The following ISCU variants were observed in gnomAD, a reference collection of about 807,000 sequenced individuals.
ISCU encodes the protein iron-sulfur cluster assembly enzyme ISCU.
In ISCU, 13 loss-of-function variants were observed where a neutral mutation model predicts 18.4. That is an observed-to-expected ratio of 0.71 (90% confidence interval 0.46 to 1.12). The LOEUF is 1.12. Among genes scored for constraint, ISCU ranks in the 50% most tolerant of loss-of-function variants. ISCU has a pLI of 0.00. For synonymous variants in ISCU, 104 were observed against 87.5 expected (o/e 1.19, Z -1.06); for missense variants, 229 against 208.7 (o/e 1.10, Z -0.60).
chr12:108,562,796 C>A, intron 1 of ISCU, 60 bp downstream of exon 1: 1 of 1,032,456 alleles, frequency 9.7e-7, no homozygotes. Flanking sequence ...GCTGGAGGGG[C>A]GGCCGCGGGG....
chr12:108,564,967 T>C (rs2030820888), intron 2 of ISCU: 2 of 330,586 alleles, frequency 6.0e-6, no homozygotes, highest in South Asian at 3.7e-5. Context: ...AGACCTTTAT[T>C]GTGGACTCTG....
chr12:108,569,073 TAC>T lies in ISCU; in HGVS notation c.*161_*162del, dbSNP rs576121051. The T allele has an allele frequency of 2.9e-4, 195 of 681,432 alleles. No homozygotes were observed. The highest frequency in any genetic ancestry group is 2.2e-3 in the African/African-American group (121 of 55,776). 42.2% of individuals were successfully genotyped at this position (681,432 alleles called of 1,614,324 possible). A position where few individuals can be genotyped will look rare whatever the true frequency, so the allele number is the denominator to read the frequency against. ...CGTTATGACTCTCATGCAAGCAAAA[TAC>T]ACAGTTTCATTGTTCTGAATCCTGT... On this transcript the variant is annotated 3_prime_UTR_variant, in exon 5 of 5. Coordinates refer to ENST00000311893, the MANE Select transcript of ISCU (RefSeq NM_213595.4).
chr12:108,565,349 T>C lies in ISCU; in HGVS notation c.257T>C (p.Val86Ala). Residue 86 changes from valine to alanine, a missense_variant, in exon 3 of 5, where the codon GTG becomes GCG. By Grantham distance (64) the Val-to-Ala change is moderately conservative (BLOSUM62 0). Coordinates refer to ENST00000311893, the MANE Select transcript of ISCU (RefSeq NM_213595.4). ...CAAGTGGATGAAAAGGGGAAGATTG[T>C]GGATGCTAGGTTTAAAACATTTGGC... ...QIQVDEKGKIVDARFKTFGCG... is the reference protein window; with the variant it reads ...QIQVDEKGKIADARFKTFGCG... The C allele has an allele frequency of 6.2e-7, 1 of 1,614,124 alleles. No homozygotes were observed. The highest frequency in any genetic ancestry group is 8.5e-7 in the Non-Finnish European group (1 of 1,179,952).
intron 1 of ISCU, 44 bp from the exon 2 acceptor site, chr12:108,564,235 C>T (rs1341651004): frequency 1.9e-6 from 3 of 1,562,942 alleles, no homozygotes; most frequent in Non-Finnish European, 2.6e-6. Flanking sequence ...GAGACCAGTA[C>T]CAATAGAGAG....
chr12:108,565,005 C>T (rs1047770958), intron 2 of ISCU: 1 of 410,288 alleles, frequency 2.4e-6, no homozygotes, highest in African/African-American at 2.0e-5. Context: ...CAGATTGCCC[C>T]AGCAGCTGTG....
At chr12:108,564,239 TAG>T (rs1365948579) in intron 1 of ISCU, 38 bp from the exon 2 acceptor site, 3 of 1,568,822 alleles carry the variant, frequency 1.9e-6, no homozygotes, top group Non-Finnish European at 2.6e-6. Context: ...CCAGTACCAA[TAG>T]AGAGTGAACA....
chr12:108,562,857 C>T (rs2030676752), intron 1 of ISCU, 121 bp downstream of exon 1: 2 of 477,836 alleles, frequency 4.2e-6, no homozygotes, highest in East Asian at 3.5e-5. Context: ...TTTGCCCTGA[C>T]TCGCTTTCCC....
intron 4 of ISCU, chr12:108,568,009 T>C: frequency 6.5e-7 from 1 of 1,530,098 alleles, no homozygotes. Flanking sequence ...GTCAGGCCTC[T>C]TGCCAAGGTA....
chr12:108,568,376 A>T (rs2030998539), intron 4 of ISCU: 2 of 1,095,650 alleles, frequency 1.8e-6, no homozygotes, highest in Admixed American at 9.5e-5. Context: ...TCCCATCAAC[A>T]GATTGACATG....
chr12:108,567,939 C>T (rs1272317634), intron 4 of ISCU: 2 of 1,422,260 alleles, frequency 1.4e-6, no homozygotes, highest in African/African-American at 2.8e-5. Flanking sequence ...GAATGAGAAA[C>T]ATTAGCCTTA....
intron 3 of ISCU, 25 bp from the exon 4 acceptor site, chr12:108,567,164 GC>G: frequency 6.4e-7 from 1 of 1,570,314 alleles, no homozygotes; most frequent in Non-Finnish European, 8.8e-7. Context: ...TGCTAAAACT[GC>G]CCATCTTTCC....
intron 4 of ISCU, 59 bp from the exon 5 acceptor site, chr12:108,568,772 C>T (rs928181721): frequency 6.4e-7 from 1 of 1,570,258 alleles, no homozygotes; most frequent in African/African-American, 1.3e-5. Flanking sequence ...AGATTCTATT[C>T]CCAAGTCCAT....
In ISCU at chr12:108,567,273, G is replaced by A; in HGVS notation, c.418+5G>A. The A allele has an allele frequency of 6.2e-7, 1 of 1,610,488 alleles. No homozygotes were observed. The highest frequency in any genetic ancestry group is 1.3e-5 in the African/African-American group (1 of 74,984). ...CCGTGAAACTGCACTGCTCCAGTAAGTCTCTGCTCTCCATACCAGTCAGCT... is the reference window on the plus strand; with the variant it reads ...CCGTGAAACTGCACTGCTCCAGTAAATCTCTGCTCTCCATACCAGTCAGCT... On this transcript the variant is annotated splice_donor_5th_base_variant and intron_variant, in intron 4 of 4. Coordinates refer to ENST00000311893, the MANE Select transcript of ISCU (RefSeq NM_213595.4).
At chr12:108,562,578 GC>G, upstream of ISCU, 1 of 1,148,326 alleles carries the variant, frequency 8.7e-7, no homozygotes, top group Non-Finnish European at 1.1e-6. Context: ...GACGCGCCCC[GC>G]CCCTCGGCGT....
intron 2 of ISCU, 113 bp from the exon 3 acceptor site, chr12:108,565,208 A>C: frequency 1.3e-6 from 1 of 770,774 alleles, no homozygotes; most frequent in Non-Finnish European, 2.4e-6. Context: ...GCCATCACTT[A>C]GTGTGGAAAG....
intron 1 of ISCU, 197 bp downstream of exon 1, chr12:108,562,933 C>A: frequency 2.5e-6 from 1 of 394,710 alleles, no homozygotes. Context: ...CGGCGACTTC[C>A]AGGGGGCCCC....
intron 4 of ISCU, chr12:108,568,271 A>G (rs1260262974): frequency 8.7e-7 from 1 of 1,153,102 alleles, no homozygotes; most frequent in Non-Finnish European, 1.1e-6. Flanking sequence ...CAGCTCTCTC[A>G]GTTTTTATTT....
In ISCU at chr12:108,562,640, T is replaced by A. The variant is rs2030645748; in HGVS notation, c.18T>A (p.Ala6=). The change falls in exon 1 of 5, where the codon GCT becomes GCA. Residue 6 remains alanine, a synonymous_variant. Transcript: ENST00000311893. MAAAG[A]FRLRRAASAL... ...CCGGCAAGATGGCGGCGGCTGGGGC[T>A]TTCCGTCTGAGGCGGGCGGCATCGG... 1.3e-6 allele frequency: 2 copies of A among 1,482,200 alleles called. No individual in the cohort carries two copies. Among genetic ancestry groups the A allele is most frequent in the Non-Finnish European group, 1.8e-6 (2 of 1,124,038 alleles). 91.8% of individuals were successfully genotyped at this position (1,482,200 alleles called of 1,614,324 possible).
rs1424424933 is a variant in ISCU at position 108,564,372 on chromosome 12, G to A, written c.208G>A (p.Gly70Ser). 1 of 1,612,938 alleles carries A rather than the reference G, an allele frequency of 6.2e-7. No individual in the cohort carries two copies. The highest frequency in any genetic ancestry group is 8.5e-7 in the Non-Finnish European group (1 of 1,178,980). ...GTGLVGAPAC[G>S]DVMKLQIQVD... is the part of the protein sequence containing the mutation. ...TGGACTGGTGGGGGCTCCAGCATGT[G>A]GTGACGTAATGAAATTACAGGTATG... is the stretch of plus-strand genomic sequence containing the variant. The change falls in exon 2 of 5, where the codon GGT becomes AGT. Residue 70 changes from glycine (G) to serine (S), a missense_variant. Gly to Ser is a moderately conservative substitution (Grantham distance 56). Transcript: ENST00000311893.
Sources: allele counts gnomAD v4.1 joint callset, GRCh38; gene constraint gnomAD v4.1.1; transcripts MANE v1.5; gene names NCBI Gene and HGNC (gene_info 2026-07-23, HGNC 2026-07-21).